SLIT2: variants seen among roughly 807,000 people sequenced by gnomAD.
SLIT2 encodes the protein slit guidance ligand 2.
A neutral mutation model predicts 185.7 loss-of-function variants in SLIT2; 41 were observed. The ratio of observed to expected loss-of-function variants is 0.22; its 90% CI spans 0.17 to 0.29. SLIT2 has a LOEUF of 0.29. Among genes scored for constraint, SLIT2 ranks in the 10% least tolerant of loss-of-function variants. The pLI is 1.00. For synonymous variants in SLIT2, 693 were observed against 680.2 expected, an observed-to-expected ratio of 1.02 and a Z score of -0.29; for missense variants, 1,571 against 1,909.0, an observed-to-expected ratio of 0.82 and a Z score of 3.30.
chr4:20,373,171 G>A (rs1408058030), intron 4 of SLIT2, among the ~76,000 whole-genome samples: 2 of 151,922 alleles, frequency 1.3e-5, no homozygotes, highest in African/African-American at 4.8e-5. Flanking sequence ...AATTAGTTTG[G>A]CAGCTTAGAA....
chr4:20,312,293 T>C (rs935271370), intron 4 of SLIT2, among the ~76,000 whole-genome samples: 1 of 152,218 alleles, frequency 6.6e-6, no homozygotes, highest in Admixed American at 6.5e-5. Flanking sequence ...GAGTGTGAGA[T>C]AATTATAATC....
chr4:20,596,423 T>C lies in SLIT2; in HGVS notation c.3329T>C (p.Phe1110Ser). 2.5e-6 allele frequency: 4 copies of C among 1,613,932 alleles called. No homozygotes were observed. Among genetic ancestry groups the C allele is most frequent in the Non-Finnish European group, 3.4e-6 (4 of 1,179,904 alleles). Residue 1110 changes from phenylalanine to serine, a missense_variant, in exon 32 of 37, where the codon TTC (phenylalanine) becomes TCC (serine). Phe to Ser is a radical substitution (Grantham distance 155). Transcript: ENST00000504154. ...CICPEGYSGL[F>S]CEFSPPMVLP... is the part of the protein sequence containing the mutation. ...TTCTCCTTATTCTTCAGTGGCTTGTTCTGTGAGTTTTCTCCACCCATGGTC... is the reference window on the plus strand; with the variant it reads ...TTCTCCTTATTCTTCAGTGGCTTGTCCTGTGAGTTTTCTCCACCCATGGTC...
chr4:20,255,887 G>T (rs1045215918), intron 1 of SLIT2, among the ~76,000 whole-genome samples: 14 of 152,114 alleles, frequency 9.2e-5, no homozygotes. Flanking sequence ...CATTCAAACC[G>T]CAGCAAAGCC....
At chr4:20,373,938 A>G (rs1723798637) in intron 4 of SLIT2, among the ~76,000 whole-genome samples, 2 of 152,068 alleles carry the variant, frequency 1.3e-5, no homozygotes, top group Admixed American at 1.3e-4. Context: ...TTATAGAAGA[A>G]AGATGTAGTA....
intron 4 of SLIT2, among the ~76,000 whole-genome samples, chr4:20,464,113 C>T (rs1714083732): frequency 6.6e-6 from 1 of 151,998 alleles, no homozygotes; most frequent in Admixed American, 6.6e-5. Context: ...GTGGACATGC[C>T]TCATGCACTG....
rs566058431 is a variant in SLIT2, at chr4:20,584,183, G to C, written c.3089-5461G>C. On this transcript the variant is annotated intron_variant, in intron 29 of 36. Transcript: ENST00000504154. ...ACACATCTCTAATTCCAGAGCCTCA[G>C]TTTACTGATGAAGAACTGAGGCTGA... 1.1e-3 allele frequency among the ~76,000 whole-genome samples: 174 copies of C among 152,254 alleles called. 1 individual carries two copies. The highest frequency in any genetic ancestry group is 3.9e-3 in the African/African-American group (164 of 41,550).
intron 4 of SLIT2, among the ~76,000 whole-genome samples, chr4:20,355,686 T>C (rs1196995975): frequency 6.6e-6 from 1 of 152,190 alleles, no homozygotes; most frequent in Non-Finnish European, 1.5e-5. Context: ...GTATGATCCA[T>C]AATTTTAAGT....
intron 4 of SLIT2, among the ~76,000 whole-genome samples, chr4:20,463,375 G>T (rs1299120297): frequency 6.8e-6 from 1 of 147,596 alleles, no homozygotes; most frequent in East Asian, 2.0e-4. Context: ...TTTGATCTGT[G>T]TCCTTGATTA....
intron 4 of SLIT2, among the ~76,000 whole-genome samples, chr4:20,352,601 T>A (rs552528219): frequency 6.6e-6 from 1 of 152,216 alleles, no homozygotes; most frequent in East Asian, 1.9e-4. Context: ...ATAGCAGACT[T>A]TGGATGTTTT....
chr4:20,290,094 C>T, intron 4 of SLIT2, among the ~76,000 whole-genome samples: 1 of 152,156 alleles, frequency 6.6e-6, no homozygotes, highest in East Asian at 1.9e-4. Context: ...TACACCTGGC[C>T]ATTCTCCCAT....
intron 4 of SLIT2, among the ~76,000 whole-genome samples, chr4:20,332,984 A>G (rs1299705351): frequency 6.6e-6 from 1 of 152,172 alleles, no homozygotes; most frequent in Non-Finnish European, 1.5e-5. Context: ...TATTTTCTGC[A>G]GAAATATTTC....
intron 4 of SLIT2, among the ~76,000 whole-genome samples, chr4:20,332,103 G>A (rs976775901): frequency 6.6e-6 from 1 of 152,122 alleles, no homozygotes; most frequent in Non-Finnish European, 1.5e-5. Context: ...GAACTTTTGT[G>A]TAGAAGCAAT....
chr4:20,542,853 T>C (rs397832418), intron 21 of SLIT2, among the ~76,000 whole-genome samples: 1 of 115,412 alleles, frequency 8.7e-6, no homozygotes, highest in Admixed American at 1.1e-4. Flanking sequence ...TGTGTGTGTG[T>C]GTGTGTGTGC....
intron 4 of SLIT2, among the ~76,000 whole-genome samples, chr4:20,454,266 A>G (rs1183835230): frequency 6.6e-6 from 1 of 152,066 alleles, no homozygotes; most frequent in African/African-American, 2.4e-5. Context: ...GAATACAAAT[A>G]TCTCTCTTTT....
chr4:20,605,259 A>G (rs1728701733), intron 33 of SLIT2, among the ~76,000 whole-genome samples: 1 of 152,238 alleles, frequency 6.6e-6, no homozygotes, highest in Admixed American at 6.5e-5. Flanking sequence ...AAATAGAGAA[A>G]GAAAATCAGA....
chr4:20,350,450 A>G (rs1721779423), intron 4 of SLIT2, among the ~76,000 whole-genome samples: 1 of 152,128 alleles, frequency 6.6e-6, no homozygotes, highest in African/African-American at 2.4e-5. Context: ...GATATAGTGA[A>G]TCATTGTCAT....
intron 4 of SLIT2, among the ~76,000 whole-genome samples, chr4:20,311,168 C>T (rs1342855719): frequency 6.6e-6 from 1 of 152,192 alleles, no homozygotes; most frequent in African/African-American, 2.4e-5. Context: ...GAATTTTAGG[C>T]GTGGGCCATG....
chr4:20,538,094 G>A (rs2148872226), intron 18 of SLIT2, among the ~76,000 whole-genome samples: 1 of 152,224 alleles, frequency 6.6e-6, no homozygotes, highest in African/African-American at 2.4e-5. Flanking sequence ...TGAGTAGCTG[G>A]GACTACAGGT....
intron 4 of SLIT2, among the ~76,000 whole-genome samples, chr4:20,287,889 T>TAA (rs199693804): frequency 4.6e-5 from 7 of 151,272 alleles, no homozygotes; most frequent in Non-Finnish European, 8.9e-5. Flanking sequence ...CAATTTTCTT[T>TAA]AAAAAAAAAG....
Sources: allele counts gnomAD v4.1 joint callset (sites outside exome capture counted in the v4.1 genomes callset), GRCh38; gene constraint gnomAD v4.1.1; transcripts MANE v1.5; gene names NCBI Gene and HGNC (gene_info 2026-07-23, HGNC 2026-07-21).